The following ARL15 variants were observed in gnomAD, a reference collection of about 807,000 sequenced individuals.
ARL15 encodes the protein ADP-ribosylation factor-like protein 15.
Under a neutral mutation model 25.2 loss-of-function variants are expected in ARL15, and 19 were observed. The observed-to-expected ratio is 0.75, with a 90% confidence interval of 0.53 to 1.10. The LOEUF (loss-of-function observed/expected upper bound fraction) is 1.10. Ranked by LOEUF, ARL15 falls within the 50% of genes least tolerant of loss-of-function variation. The probability of loss-of-function intolerance (pLI) is 0.00; values close to 1 mark genes in which losing one functional copy is unlikely to be tolerated. For synonymous variants in ARL15, 94 were observed against 86.8 expected (o/e 1.08, Z -0.46); for missense variants, 220 against 246.0 (o/e 0.89, Z 0.71).
chr5:54,037,250 A>G (rs1750195711), intron 4 of ARL15, among the ~76,000 whole-genome samples: 1 of 152,072 alleles, frequency 6.6e-6, no homozygotes, highest in Non-Finnish European at 1.5e-5. Context: ...TTAAAGACTT[A>G]AAAAATTAAT....
intron 3 of ARL15, among the ~76,000 whole-genome samples, chr5:54,139,479 T>C (rs1426948560): frequency 6.6e-6 from 1 of 152,118 alleles, no homozygotes; most frequent in African/African-American, 2.4e-5. Flanking sequence ...CGCAAAGGCA[T>C]ACAGAGTGGT....
chr5:53,945,936 C>T (rs896648299), intron 4 of ARL15, among the ~76,000 whole-genome samples: 3 of 152,192 alleles, frequency 2.0e-5, no homozygotes, highest in Non-Finnish European at 2.9e-5. Flanking sequence ...CAGCACAAGT[C>T]AGCAGCACTG....
At chr5:54,192,075 T>C (rs1007140408) in intron 1 of ARL15, among the ~76,000 whole-genome samples, 1 of 152,104 alleles carries the variant, frequency 6.6e-6, no homozygotes. Flanking sequence ...CCACGCTTGG[T>C]AACATCCAAC....
At chr5:54,178,442 TCTC>T (rs1424334856) in intron 1 of ARL15, among the ~76,000 whole-genome samples, 1 of 152,064 alleles carries the variant, frequency 6.6e-6, no homozygotes, top group Non-Finnish European at 1.5e-5. Context: ...AAACACAAGG[TCTC>T]CTATGACAGC....
chr5:54,171,222 C>A (rs74704251), intron 2 of ARL15, among the ~76,000 whole-genome samples: 4,258 of 152,234 alleles, frequency 0.028, 200 homozygotes, highest in African/African-American at 0.098. Context: ...TACCCCTCCC[C>A]ACAAATGACT....
intron 1 of ARL15, among the ~76,000 whole-genome samples, chr5:54,256,985 T>C (rs1022530508): frequency 1.3e-5 from 2 of 152,152 alleles, no homozygotes; most frequent in Admixed American, 6.5e-5. Context: ...GCCAACATCA[T>C]ACTGAATGGG....
At chr5:54,057,249 T>C (rs762096600) in intron 4 of ARL15, among the ~76,000 whole-genome samples, 5 of 152,210 alleles carry the variant, frequency 3.3e-5, no homozygotes, top group South Asian at 2.1e-4. Flanking sequence ...CCAAACTGGC[T>C]TATTTTAAAC....
At chr5:54,170,224 T>G (rs1754676187) in intron 2 of ARL15, among the ~76,000 whole-genome samples, 1 of 152,040 alleles carries the variant, frequency 6.6e-6, no homozygotes, top group Admixed American at 6.6e-5. Context: ...CAAATATATA[T>G]CCTACCTATT....
intron 4 of ARL15, among the ~76,000 whole-genome samples, chr5:53,997,229 G>A (rs1165650214): frequency 2.6e-5 from 4 of 151,984 alleles, no homozygotes; most frequent in African/African-American, 7.3e-5. Flanking sequence ...TTTATGTCCT[G>A]AGCTCAGAAG....
intron 1 of ARL15, among the ~76,000 whole-genome samples, chr5:54,250,378 G>T (rs1011230662): frequency 6.6e-6 from 1 of 152,120 alleles, no homozygotes; most frequent in African/African-American, 2.4e-5. Context: ...AGGGCTTCTG[G>T]CTAAGCAGGG....
At chr5:54,192,158 C>T (rs1755422870) in intron 1 of ARL15, among the ~76,000 whole-genome samples, 1 of 151,966 alleles carries the variant, frequency 6.6e-6, no homozygotes, top group African/African-American at 2.4e-5. Flanking sequence ...GGTTCATAGT[C>T]ACTCCTTTAT....
At chr5:54,132,311 T>G (rs1401501249) in intron 3 of ARL15, among the ~76,000 whole-genome samples, 1 of 152,074 alleles carries the variant, frequency 6.6e-6, no homozygotes. Flanking sequence ...AATATATTTA[T>G]GCATTTAATA....
At chr5:54,196,531 T>TA (rs1319507592) in intron 1 of ARL15, among the ~76,000 whole-genome samples, 1 of 152,108 alleles carries the variant, frequency 6.6e-6, no homozygotes, top group East Asian at 1.9e-4. Flanking sequence ...GTAAAATACT[T>TA]AGAGTATTGA....
At chr5:54,191,773 C>T (rs1318671295) in intron 1 of ARL15, among the ~76,000 whole-genome samples, 1 of 152,180 alleles carries the variant, frequency 6.6e-6, no homozygotes, top group Non-Finnish European at 1.5e-5. Flanking sequence ...AAGCCTCACA[C>T]TGGCTCCCTG....
chr5:54,234,284 C>T (rs1756745034), intron 1 of ARL15, among the ~76,000 whole-genome samples: 1 of 151,864 alleles, frequency 6.6e-6, no homozygotes, highest in South Asian at 2.1e-4. Flanking sequence ...AGCCACCAGG[C>T]CTGGCCCGTT....
chr5:54,162,443 C>G (rs1360939852), intron 2 of ARL15, among the ~76,000 whole-genome samples: 1 of 152,180 alleles, frequency 6.6e-6, no homozygotes, highest in Non-Finnish European at 1.5e-5. Flanking sequence ...CATACACTAG[C>G]AAACAGAGCT....
intron 1 of ARL15, chr5:54,285,292 C>T (rs958754537): frequency 8.4e-5 from 67 of 797,946 alleles, no homozygotes; most frequent in Non-Finnish European, 1.0e-4. Flanking sequence ...AAAAAGAATG[C>T]CTAAGACAGA....
intron 4 of ARL15, among the ~76,000 whole-genome samples, chr5:54,080,508 A>G (rs1326477497): frequency 2.0e-5 from 3 of 152,136 alleles, no homozygotes; most frequent in Non-Finnish European, 4.4e-5. Flanking sequence ...TGTTCTCATC[A>G]TCCCCAAGAA....
chr5:54,011,894 A>T (rs1749253012), intron 4 of ARL15, among the ~76,000 whole-genome samples: 2 of 152,138 alleles, frequency 1.3e-5, no homozygotes, highest in South Asian at 4.1e-4. Flanking sequence ...CTGTAGTCCC[A>T]GCTACTGGGG....
Sources: gnomAD v4.1 joint callset for allele counts (sites outside exome capture counted in the v4.1 genomes callset) on GRCh38, gnomAD v4.1.1 for gene constraint, MANE v1.5 for transcripts, NCBI Gene and HGNC (gene_info 2026-07-23, HGNC 2026-07-21) for gene names.